EYS: variants seen among roughly 807,000 people sequenced by gnomAD.
EYS encodes the protein protein eyes shut homolog.
A neutral mutation model predicts 282.1 loss-of-function variants in EYS; 250 were observed. The ratio of observed to expected loss-of-function variants is 0.89; its 90% CI spans 0.80 to 0.98. The LOEUF (loss-of-function observed/expected upper bound fraction) is 0.98, where lower values mean the gene tolerates loss of function less well. Ranked by LOEUF, EYS falls within the 50% of genes least tolerant of loss-of-function variation. The pLI is 0.00. For missense variants in EYS, 4,016 were observed against 3,709.0 expected, an observed-to-expected ratio of 1.08 and a Z score of -2.15; for synonymous variants, 1,355 against 1,282.9, an observed-to-expected ratio of 1.06 and a Z score of -1.20.
intron 5 of EYS, among the ~76,000 whole-genome samples, chr6:65,436,893 C>T (rs1768092746): frequency 6.6e-6 from 1 of 152,076 alleles, no homozygotes; most frequent in Admixed American, 6.6e-5. Context: ...CAGGAAATTT[C>T]TAATCAAAAC....
rs550186445 is a variant in EYS at position 63,964,802 on chromosome 6, T to G, written c.7055+19581A>C. Reference sequence around the variant, plus strand: ...CAACAACCAGTTCCTTTATTGCTTATGATTTAACAGACAAGTAAAGTGACA... The same window carrying G: ...CAACAACCAGTTCCTTTATTGCTTAGGATTTAACAGACAAGTAAAGTGACA... On this transcript the variant is annotated intron_variant, in intron 35 of 42. Transcript: ENST00000503581. 8.5e-5 allele frequency among the ~76,000 whole-genome samples: 13 copies of G among 152,126 alleles called. 1 individual carries two copies. Among genetic ancestry groups the G allele is most frequent in the African/African-American group, 3.1e-4 (13 of 41,390 alleles).
intron 20 of EYS, 118 bp downstream of exon 20, chr6:64,822,533 C>A: frequency 1.2e-6 from 1 of 863,464 alleles, no homozygotes; most frequent in Non-Finnish European, 1.7e-6. Flanking sequence ...GTACTTAGCT[C>A]TTGTTTTATG....
chr6:64,818,817 C>T (rs1764817454), intron 21 of EYS, among the ~76,000 whole-genome samples: 2 of 152,028 alleles, frequency 1.3e-5, no homozygotes, highest in African/African-American at 2.4e-5. Context: ...TCTGTCTTTC[C>T]CAGTTCACTG....
chr6:64,687,628 T>C (rs1268465863), intron 22 of EYS, among the ~76,000 whole-genome samples: 1 of 152,222 alleles, frequency 6.6e-6, no homozygotes, highest in Non-Finnish European at 1.5e-5. Flanking sequence ...TTGCCAGTAT[T>C]TTATTGAGGA....
At position 65,443,349 on chromosome 6, in the gene EYS, GA is replaced by G. The variant is rs1768482964; in HGVS notation, c.863-37983del. On this transcript the variant is annotated intron_variant, in intron 5 of 42. Transcript: ENST00000503581. ...ATGCATACATGTATGTACACATATA[GA>G]CATATATGCATACATGTATGTACAC... Among the ~76,000 whole-genome samples, 15 of 103,306 alleles carry G rather than the reference GA, an allele frequency of 1.5e-4. 1 individual carries two copies. The highest frequency in any genetic ancestry group is 7.4e-4 in the East Asian group (2 of 2,706). The allele number at this position is 103,306 out of a possible 152,430, so 67.8% of individuals were successfully genotyped here.
chr6:65,647,530 G>C (rs1722777428), intron 1 of EYS, among the ~76,000 whole-genome samples: 1 of 152,100 alleles, frequency 6.6e-6, no homozygotes, highest in Non-Finnish European at 1.5e-5. Flanking sequence ...ATGCATCAAA[G>C]TCTTAAATGT....
In EYS at chr6:64,637,348, A is replaced by C. The variant is rs1312141823; in HGVS notation, c.3444-11103T>G. ...CTCAGCAAACTATCGCAAGGACAAAAAAACAAACACCACATGTTCTCACTC... is the reference window on the plus strand; with the variant it reads ...CTCAGCAAACTATCGCAAGGACAAACAAACAAACACCACATGTTCTCACTC... On this transcript the variant is annotated intron_variant, in intron 22 of 42. Coordinates refer to ENST00000503581, the MANE Select transcript of EYS (RefSeq NM_001142800.2). Among the ~76,000 whole-genome samples the C allele has an allele frequency of 2.3e-5, 2 of 87,428 alleles. 1 individual carries two copies. The highest frequency in any genetic ancestry group is 4.9e-5 in the Non-Finnish European group (2 of 41,070). The allele number at this position is 87,428 out of a possible 152,430, so 57.4% of individuals were successfully genotyped here.
intron 13 of EYS, among the ~76,000 whole-genome samples, chr6:65,042,754 T>C (rs1772977696): frequency 6.6e-6 from 1 of 151,496 alleles, no homozygotes; most frequent in South Asian, 2.1e-4. Flanking sequence ...ATATTTTTCA[T>C]TTTCAAAGAC....
At chr6:64,899,313 C>A (rs1767574332) in intron 18 of EYS, among the ~76,000 whole-genome samples, 1 of 152,096 alleles carries the variant, frequency 6.6e-6, no homozygotes, top group South Asian at 2.1e-4. Flanking sequence ...CAAAACGACA[C>A]AACTACATGG....
chr6:64,877,157 G>T (rs532899476), intron 19 of EYS, among the ~76,000 whole-genome samples: 2 of 152,284 alleles, frequency 1.3e-5, no homozygotes, highest in Admixed American at 1.3e-4. Context: ...CTGATGGACT[G>T]CATGGAGATG....
chr6:65,320,542 G>A (rs1361180357), intron 11 of EYS, among the ~76,000 whole-genome samples: 2 of 152,196 alleles, frequency 1.3e-5, no homozygotes, highest in Non-Finnish European at 2.9e-5. Flanking sequence ...TCTTGGTACA[G>A]TGGAGGAACT....
chr6:64,500,281 T>C (rs1582824973), intron 26 of EYS, among the ~76,000 whole-genome samples: 2 of 152,158 alleles, frequency 1.3e-5, no homozygotes, highest in Admixed American at 6.5e-5. Flanking sequence ...GTTTTACTTA[T>C]GTTGAATACA....
intron 26 of EYS, among the ~76,000 whole-genome samples, chr6:64,453,135 G>A (rs938874090): frequency 2.0e-5 from 3 of 151,934 alleles, no homozygotes; most frequent in Admixed American, 1.3e-4. Context: ...TCCAGAATCT[G>A]CAATGAACTC....
chr6:64,614,823 A>T (rs1224106017), intron 24 of EYS, among the ~76,000 whole-genome samples: 2 of 152,134 alleles, frequency 1.3e-5, no homozygotes, highest in Non-Finnish European at 2.9e-5. Flanking sequence ...GAAGGGTTGT[A>T]GGGATGTTCA....
intron 14 of EYS, among the ~76,000 whole-genome samples, chr6:64,952,267 C>A (rs920187692): frequency 2.0e-5 from 3 of 151,924 alleles, no homozygotes; most frequent in Non-Finnish European, 4.4e-5. Flanking sequence ...AACCTGAGAA[C>A]TTACTGCAAT....
intron 37 of EYS, among the ~76,000 whole-genome samples, chr6:63,804,002 G>A (rs889930483): frequency 3.3e-5 from 5 of 151,988 alleles, no homozygotes; most frequent in Non-Finnish European, 7.4e-5. Flanking sequence ...TGTTTATTGA[G>A]TACAATGATT....
Position 63,864,325 on chromosome 6 carries a change from C to T in EYS, c.7089G>A (p.Arg2363=), listed in dbSNP as rs1212126763. 6.4e-7 allele frequency: 1 copy of T among 1,551,268 alleles called. No homozygotes were observed. Among genetic ancestry groups the T allele is most frequent in the Non-Finnish European group, 8.7e-7 (1 of 1,146,724 alleles). ...ACTGGCACAGCTTGCCTGAATACAG[C>T]CTTGGACACTCACAAAACAGATTTT... The part of the protein sequence containing the change: ...DNENLFCECP[R]LYSGKLCQFA... The change falls in exon 36 of 43, where the codon AGG becomes AGA. Residue 2363 remains arginine (R), a synonymous_variant. Coordinates refer to ENST00000503581, the MANE Select transcript of EYS (RefSeq NM_001142800.2).
intron 11 of EYS, among the ~76,000 whole-genome samples, chr6:65,301,420 T>C (rs940828889): frequency 1.3e-5 from 2 of 152,222 alleles, no homozygotes; most frequent in African/African-American, 2.4e-5. Flanking sequence ...GCTGGCACTT[T>C]TACCGGCCGG....
intron 41 of EYS, among the ~76,000 whole-genome samples, chr6:63,751,849 T>C (rs1719051818): frequency 6.6e-6 from 1 of 152,212 alleles, no homozygotes; most frequent in South Asian, 2.1e-4. Flanking sequence ...ACAACTCTAC[T>C]TAACAGTTTA....
Sources: allele counts gnomAD v4.1 joint callset (sites outside exome capture counted in the v4.1 genomes callset), GRCh38; gene constraint gnomAD v4.1.1; transcripts MANE v1.5; gene names NCBI Gene and HGNC (gene_info 2026-07-23, HGNC 2026-07-21).